CPSF2: variants seen among roughly 807,000 people sequenced by gnomAD.
CPSF2 encodes cleavage and polyadenylation specific factor 2.
Under a neutral mutation model 84.2 loss-of-function variants are expected in CPSF2, and 51 were observed. The ratio of observed to expected loss-of-function variants is 0.61; its 90% confidence interval spans 0.48 to 0.77. The LOEUF (loss-of-function observed/expected upper bound fraction) is 0.77. Ranked by LOEUF, CPSF2 falls within the 30% of genes least tolerant of loss-of-function variation. The pLI is 0.00. For synonymous variants in CPSF2, 286 were observed against 311.9 expected, an observed-to-expected ratio of 0.92 and a Z score of 0.87; for missense variants, 641 against 929.4, an observed-to-expected ratio of 0.69 and a Z score of 4.03.
In CPSF2 at chr14:92,134,111, A is replaced by G. The variant is rs1595053217; in HGVS notation, c.250A>G (p.Ile84Val). The G allele has an allele frequency of 1.9e-6, 3 of 1,614,206 alleles. No homozygotes were observed. The highest frequency in any genetic ancestry group is 2.2e-5 in the East Asian group (1 of 44,886). Residue 84 changes from isoleucine to valine, a missense_variant, in exon 4 of 16, where the codon ATC becomes GTC. Ile to Val is a conservative substitution (Grantham distance 29, BLOSUM62 3). Transcript: ENST00000298875. ...CGGAAAGTTGGGTCTGAACTGTGCT[A>G]TCTATGCAACCATTCCTGTTTATAA... The part of the protein sequence containing the change: ...AVGKLGLNCA[I>V]YATIPVYKMG...
rs908416058 is a variant in CPSF2, at chr14:92,162,097, G to A, written c.*353G>A. The stretch of plus-strand genomic sequence containing the variant: ...GCCTTAGAGAAACATTTTTGCATGA[G>A]TTCTTACAAACTGTTTGTTATATTT... On this transcript the variant is annotated 3_prime_UTR_variant, in exon 16 of 16. Coordinates refer to ENST00000298875, the MANE Select transcript of CPSF2 (RefSeq NM_017437.3). The A allele has an allele frequency of 6.3e-6, 1 of 157,844 alleles. No individual in the cohort carries two copies. Among genetic ancestry groups the A allele is most frequent in the Non-Finnish European group, 1.4e-5 (1 of 72,056 alleles). The allele number at this position is 157,844 out of a possible 1,614,324, so 9.8% of individuals were successfully genotyped here.
rs1289807647 is a variant in CPSF2, at chr14:92,145,829, G to A, written c.1140+2535G>A. On this transcript the variant is annotated intron_variant, in intron 9 of 15. Coordinates refer to ENST00000298875, the MANE Select transcript of CPSF2 (RefSeq NM_017437.3). ...AAACAGCCAAAACATCAAATGTTAAGTTTTTGACCTTTTTAATAACTAATG... is the reference window on the plus strand; with the variant it reads ...AAACAGCCAAAACATCAAATGTTAAATTTTTGACCTTTTTAATAACTAATG... 2.0e-5 allele frequency among the ~76,000 whole-genome samples: 3 copies of A among 152,220 alleles called. No homozygotes were observed. The East Asian group carries it at 5.8e-4, about 29-fold the overall frequency.
At chr14:92,151,948 CTGCAG>C (rs1369415032) in intron 9 of CPSF2, among the ~76,000 whole-genome samples, 1 of 149,816 alleles carries the variant, frequency 6.7e-6, no homozygotes, top group Non-Finnish European at 1.5e-5. Context: ...GAAGATTGAG[CTGCAG>C]TGAGCTATAA....
Position 92,138,343 on chromosome 14 carries a change from T to G in CPSF2, c.657T>G (p.Leu219=). 6.7e-7 allele frequency: 1 copy of G among 1,487,492 alleles called. No individual in the cohort carries two copies. Among genetic ancestry groups the G allele is most frequent in the Non-Finnish European group, 9.2e-7 (1 of 1,088,278 alleles). The allele number at this position is 1,487,492 out of a possible 1,614,324, so 92.1% of individuals were successfully genotyped here. The change falls in exon 7 of 16, where the codon CTT becomes CTG. Residue 219 remains leucine (L), a synonymous_variant. Coordinates refer to ENST00000298875, the MANE Select transcript of CPSF2 (RefSeq NM_017437.3). ...QPRRKQRDEQ[L]LTNVLETLRG... ...GAAGAAAACAGAGAGATGAGCAGCT[T>G]CTGAGTACGTATTCTTTCACGTCCT...
chr14:92,125,267 G>A (rs897061646), intron 1 of CPSF2, among the ~76,000 whole-genome samples: 8 of 152,132 alleles, frequency 5.3e-5, no homozygotes, highest in South Asian at 2.1e-4. Context: ...TGTGCAAAGC[G>A]TTCCTGAGGG....
intron 1 of CPSF2, among the ~76,000 whole-genome samples, chr14:92,125,240 G>A (rs2068830910): frequency 6.6e-6 from 1 of 152,122 alleles, no homozygotes; most frequent in African/African-American, 2.4e-5. Flanking sequence ...ACTGGCAGTG[G>A]GATAGAAAGG....
At chr14:92,122,852 T>A (rs1386169094) in intron 1 of CPSF2, among the ~76,000 whole-genome samples, 1 of 143,394 alleles carries the variant, frequency 7.0e-6, no homozygotes, top group African/African-American at 2.6e-5. Flanking sequence ...CTTTTTTCTT[T>A]CTTTTTTTTT....
rs1250018536 is a variant in CPSF2 at position 92,155,288 on chromosome 14, A to T, written c.1407A>T (p.Glu469Asp). ...KSYPMFPAPEERIKWDEYGEI... is the reference protein window; with the variant it reads ...KSYPMFPAPEDRIKWDEYGEI... ...ATCCTATGTTTCCTGCCCCAGAAGA[A>T]AGAATTAAATGGGATGAATATGGAG... Residue 469 changes from glutamate to aspartate, a missense_variant, in exon 11 of 16, where the codon GAA becomes GAT. Around this residue, in one of 2 missense-constraint regions of CPSF2, gnomAD observed 430 missense variants for 553.6 expected, o/e 0.78. Coordinates refer to ENST00000298875, the MANE Select transcript of CPSF2 (RefSeq NM_017437.3). 1 of 1,614,118 alleles carries T rather than the reference A, an allele frequency of 6.2e-7. No individual in the cohort carries two copies. The highest frequency in any genetic ancestry group is 8.5e-7 in the Non-Finnish European group (1 of 1,179,984).
chr14:92,129,918 A>T (rs993111881), intron 2 of CPSF2, among the ~76,000 whole-genome samples: 3 of 147,454 alleles, frequency 2.0e-5, no homozygotes, highest in Non-Finnish European at 4.5e-5. Flanking sequence ...GTTTTCTTAT[A>T]TTTTTTTTTT....
chr14:92,146,596 T>TACATACATAACTATAC (rs2069147472), intron 9 of CPSF2, among the ~76,000 whole-genome samples: 2 of 152,260 alleles, frequency 1.3e-5, no homozygotes, highest in Non-Finnish European at 2.9e-5. Context: ...GTTAACTATA[T>TACATACATAACTATAC]GTACATTGTT....
chr14:92,163,717 GT>G lies in CPSF2; in HGVS notation c.*1982del, dbSNP rs1021272883. On this transcript the variant is annotated 3_prime_UTR_variant, in exon 16 of 16. Coordinates refer to ENST00000298875, the MANE Select transcript of CPSF2 (RefSeq NM_017437.3). ...TGAGTTCTCATGAGATCTGATGGGTGTTTTTTTTTGTTTTGTTTTTTGTTTT... is the reference window on the plus strand; with the variant it reads ...TGAGTTCTCATGAGATCTGATGGGTGTTTTTTTTGTTTTGTTTTTTGTTTT... The G allele has an allele frequency of 2.0e-5, 3 of 151,134 alleles. No individual in the cohort carries two copies. Among genetic ancestry groups the G allele is most frequent in the South Asian group, 2.1e-4 (1 of 4,756 alleles). The allele number at this position is 151,134 out of a possible 1,614,324, so 9.4% of individuals were successfully genotyped here. A position where few individuals can be genotyped will look rare whatever the true frequency, so the allele number is the denominator to read the frequency against.
At chr14:92,151,064 G>A (rs2069209050) in intron 9 of CPSF2, among the ~76,000 whole-genome samples, 1 of 152,056 alleles carries the variant, frequency 6.6e-6, no homozygotes, top group African/African-American at 2.4e-5. Context: ...AATTATGTTA[G>A]AAAATAATGC....
Position 92,165,713 on chromosome 14 carries a change from A to G in CPSF2, c.*3969A>G, listed in dbSNP as rs1341648859. On this transcript the variant is annotated 3_prime_UTR_variant, in exon 16 of 16. Transcript: ENST00000298875. ...TTTTCTGGATACTAAACCATTATAT[A>G]TTGATTTGCAAGTATTTTATTCCAT... is the stretch of plus-strand genomic sequence containing the variant. 6.6e-6 allele frequency: 1 copy of G among 151,846 alleles called. No homozygotes were observed. The highest frequency in any genetic ancestry group is 1.5e-5 in the Non-Finnish European group (1 of 67,964). 9.4% of individuals were successfully genotyped at this position (151,846 alleles called of 1,614,324 possible). A position where few individuals can be genotyped will look rare whatever the true frequency, so the allele number is the denominator to read the frequency against.
rs1436084428 is a variant in CPSF2, at chr14:92,170,851, CAGTT to C, written c.*9108_*9111del. The stretch of plus-strand genomic sequence containing the variant: ...CATTACTGGTGATGTTAATTTTTAA[CAGTT>C]GGTTACGATGTTTTCAAGATTTCTC... On this transcript the variant is annotated 3_prime_UTR_variant, in exon 16 of 16. Transcript: ENST00000298875. 2.6e-5 allele frequency: 4 copies of C among 152,142 alleles called. No individual in the cohort carries two copies. Among genetic ancestry groups the C allele is most frequent in the Non-Finnish European group, 5.9e-5 (4 of 68,016 alleles). 9.4% of individuals were successfully genotyped at this position (152,142 alleles called of 1,614,324 possible). A position where few individuals can be genotyped will look rare whatever the true frequency, so the allele number is the denominator to read the frequency against.
At chr14:92,150,632 T>A (rs940043177) in intron 9 of CPSF2, among the ~76,000 whole-genome samples, 2 of 152,146 alleles carry the variant, frequency 1.3e-5, no homozygotes, top group African/African-American at 2.4e-5. Flanking sequence ...CTTGCTACGC[T>A]GCCCATATGG....
At chr14:92,142,652 A>C (rs1371629575) in intron 8 of CPSF2, among the ~76,000 whole-genome samples, 1 of 152,216 alleles carries the variant, frequency 6.6e-6, no homozygotes, top group Non-Finnish European at 1.5e-5. Flanking sequence ...CCTACCTCAT[A>C]GCATTGGCAT....
At chr14:92,148,137 C>A (rs2069166537) in intron 9 of CPSF2, among the ~76,000 whole-genome samples, 1 of 152,108 alleles carries the variant, frequency 6.6e-6, no homozygotes, top group African/African-American at 2.4e-5. Context: ...AGCCCCTGAA[C>A]TAGAATAGTT....
chr14:92,145,568 T>C (rs537516680), intron 9 of CPSF2, among the ~76,000 whole-genome samples: 12 of 152,338 alleles, frequency 7.9e-5, no homozygotes, highest in Middle Eastern at 3.4e-3. Flanking sequence ...TCTGAGCAAG[T>C]ATAGCAAAGT....
chr14:92,146,575 A>G (rs2069147215), intron 9 of CPSF2, among the ~76,000 whole-genome samples: 1 of 152,234 alleles, frequency 6.6e-6, no homozygotes. Context: ...TTATGTGTAC[A>G]GTACAGTAGT....
Sources: allele counts gnomAD v4.1 joint callset (sites outside exome capture counted in the v4.1 genomes callset), GRCh38; gene constraint gnomAD v4.1.1; regional missense constraint gnomAD v4.1.1; transcripts MANE v1.5; gene names NCBI Gene and HGNC (gene_info 2026-07-23, HGNC 2026-07-21).